The following SEPTIN7 variants were observed in gnomAD, a reference collection of about 807,000 sequenced individuals.
SEPTIN7 encodes the protein septin 7, also known as septin-7.
A neutral mutation model predicts 63.3 loss-of-function variants in SEPTIN7; 10 were observed. The ratio of observed to expected loss-of-function variants is 0.16; its 90% CI spans 0.10 to 0.27. The LOEUF (loss-of-function observed/expected upper bound fraction) is 0.27, where lower values mean the gene tolerates loss of function less well. SEPTIN7 is among the 10% of genes least tolerant of loss of function. The pLI, the probability that SEPTIN7 is intolerant of heterozygous loss-of-function variation, is 1.00. For missense variants in SEPTIN7, 310 were observed against 521.0 expected (o/e 0.59, Z 3.94); for synonymous variants, 131 against 165.3 (o/e 0.79, Z 1.59).
chr7:35,842,433 A>T (rs1295371449), intron 3 of SEPTIN7, among the ~76,000 whole-genome samples: 1 of 151,980 alleles, frequency 6.6e-6, no homozygotes, highest in Non-Finnish European at 1.5e-5. Flanking sequence ...TTTACTATAT[A>T]GGAGTATATA....
At chr7:35,891,234 G>C (rs550706167) in intron 11 of SEPTIN7, among the ~76,000 whole-genome samples, 1 of 152,136 alleles carries the variant, frequency 6.6e-6, no homozygotes, top group Non-Finnish European at 1.5e-5. Flanking sequence ...GAGGAAGCTG[G>C]TAACCATGTC....
At chr7:35,851,416 T>C (rs1784953731) in intron 3 of SEPTIN7, among the ~76,000 whole-genome samples, 1 of 152,170 alleles carries the variant, frequency 6.6e-6, no homozygotes, top group Admixed American at 6.5e-5. Flanking sequence ...AAAGTCAGAA[T>C]AAATGTAAAA....
intron 7 of SEPTIN7, among the ~76,000 whole-genome samples, 154 bp from the exon 8 acceptor site, chr7:35,882,330 C>T (rs1428177224): frequency 6.7e-6 from 1 of 149,886 alleles, no homozygotes; most frequent in Non-Finnish European, 1.5e-5. Flanking sequence ...TAGCGTAGTA[C>T]TTTAATTTTA....
chr7:35,893,171 AGT>A (rs1787752351), intron 11 of SEPTIN7, among the ~76,000 whole-genome samples: 1 of 152,106 alleles, frequency 6.6e-6, no homozygotes, highest in Non-Finnish European at 1.5e-5. Flanking sequence ...TGTTTAAATA[AGT>A]GAAGTAGGTG....
At chr7:35,828,177 T>C (rs1283994622) in intron 1 of SEPTIN7, among the ~76,000 whole-genome samples, 1 of 152,230 alleles carries the variant, frequency 6.6e-6, no homozygotes, top group Non-Finnish European at 1.5e-5. Context: ...TTTGTCACCA[T>C]GTTACTGAGA....
chr7:35,803,093 A>C, intron 1 of SEPTIN7: 1 of 765,778 alleles, frequency 1.3e-6, no homozygotes, highest in Non-Finnish European at 1.6e-6. Context: ...AGTTGATTTT[A>C]ATTAGTTCTT....
intron 9 of SEPTIN7, among the ~76,000 whole-genome samples, chr7:35,884,290 C>T (rs1562576244): frequency 6.6e-6 from 1 of 152,162 alleles, no homozygotes; most frequent in East Asian, 1.9e-4. Context: ...TGAGCACTGA[C>T]ATGCTGCTCA....
chr7:35,902,839 GC>G (rs1459556605), intron 12 of SEPTIN7: 1 of 324,372 alleles, frequency 3.1e-6, no homozygotes, highest in Non-Finnish European at 4.8e-6. Flanking sequence ...TAAGTTTGTT[GC>G]TTTTTTTTTT....
chr7:35,816,444 G>T (rs1355834113), intron 1 of SEPTIN7, among the ~76,000 whole-genome samples: 1 of 152,072 alleles, frequency 6.6e-6, no homozygotes, highest in East Asian at 1.9e-4. Context: ...TTATTCTGTT[G>T]TATATATACT....
rs893817611 is a variant in SEPTIN7 at position 35,904,473 on chromosome 7, A to G, written c.*180A>G. 6.5e-6 allele frequency: 3 copies of G among 459,648 alleles called. No homozygotes were observed. Among genetic ancestry groups the G allele is most frequent in the Non-Finnish European group, 7.6e-6 (2 of 262,572 alleles). The allele number at this position is 459,648 out of a possible 1,614,324, so 28.5% of individuals were successfully genotyped here. A position where few individuals can be genotyped will look rare whatever the true frequency, so the allele number is the denominator to read the frequency against. On this transcript the variant is annotated 3_prime_UTR_variant, in exon 14 of 14. Transcript: ENST00000350320. Reference sequence around the variant, plus strand: ...GAGATTAAGATGCCTTGAATTGTCTAGGGTGTTCTGTACTTAGAAAGTAAG... The same window carrying G: ...GAGATTAAGATGCCTTGAATTGTCTGGGGTGTTCTGTACTTAGAAAGTAAG...
intron 8 of SEPTIN7, 61 bp downstream of exon 8, chr7:35,882,637 T>C (rs1583618244): frequency 2.4e-6 from 3 of 1,251,656 alleles, no homozygotes; most frequent in Non-Finnish European, 3.1e-6. Flanking sequence ...TACTACAGCG[T>C]CCACAGGAAA....
intron 9 of SEPTIN7, 67 bp from the exon 10 acceptor site, chr7:35,885,761 G>A: frequency 8.0e-7 from 1 of 1,251,228 alleles, no homozygotes; most frequent in Non-Finnish European, 1.2e-6. Flanking sequence ...AAGTTCCTGT[G>A]AAATATTTTT....
intron 7 of SEPTIN7, 86 bp downstream of exon 7, chr7:35,880,026 C>G: frequency 8.3e-6 from 6 of 726,676 alleles, no homozygotes; most frequent in Non-Finnish European, 1.5e-5. Context: ...TGTTGCAATC[C>G]ATTCCTCTTA....
At chr7:35,843,927 G>A (rs2115994913) in intron 3 of SEPTIN7, among the ~76,000 whole-genome samples, 1 of 152,252 alleles carries the variant, frequency 6.6e-6, no homozygotes, top group Non-Finnish European at 1.5e-5. Context: ...TGATTGTGAA[G>A]AGTTCATTCT....
At chr7:35,887,042 CT>C (rs1787296985) in intron 10 of SEPTIN7, among the ~76,000 whole-genome samples, 1 of 152,206 alleles carries the variant, frequency 6.6e-6, no homozygotes, top group Non-Finnish European at 1.5e-5. Context: ...AGAAGGTCAT[CT>C]TCTGGGTTTT....
At chr7:35,838,331 TC>T (rs1562537189) in intron 3 of SEPTIN7, among the ~76,000 whole-genome samples, 54 of 1,362 alleles carry the variant, frequency 0.04, 4 homozygotes, top group African/African-American at 0.14. Flanking sequence ...CCTCCCTCCC[TC>T]CCTCCCTCCC....
Position 35,902,835 on chromosome 7 carries a change from T to G in SEPTIN7, c.1135-241T>G, listed in dbSNP as rs1006989967. On this transcript the variant is annotated intron_variant, in intron 12 of 13. Coordinates refer to ENST00000350320, the MANE Select transcript of SEPTIN7 (RefSeq NM_001788.6). ...ATAAAGTACTCCACACTGTTAAGTTTGTTGCTTTTTTTTTTTTTCCTGTTT... is the reference window on the plus strand; with the variant it reads ...ATAAAGTACTCCACACTGTTAAGTTGGTTGCTTTTTTTTTTTTTCCTGTTT... 9 of 369,094 alleles carry G rather than the reference T, an allele frequency of 2.4e-5. No individual in the cohort carries two copies. In the East Asian group the frequency reaches 4.2e-4, roughly 17 times the overall value. 22.9% of individuals were successfully genotyped at this position (369,094 alleles called of 1,614,324 possible).
chr7:35,907,020 A>T lies in SEPTIN7; in HGVS notation c.*2727A>T, dbSNP rs1224728594. 1 of 152,260 alleles carries T rather than the reference A, an allele frequency of 6.6e-6. No homozygotes were observed. Among genetic ancestry groups the T allele is most frequent in the Admixed American group, 6.5e-5 (1 of 15,284 alleles). 9.4% of individuals were successfully genotyped at this position (152,260 alleles called of 1,614,324 possible). On this transcript the variant is annotated 3_prime_UTR_variant, in exon 14 of 14. Coordinates refer to ENST00000350320, the MANE Select transcript of SEPTIN7 (RefSeq NM_001788.6). ...ATAATTATATGTATTGAACAATGAA[A>T]ATATGTGTCAACAAATGTACTGCTA...
At chr7:35,827,137 A>G (rs868175159) in intron 1 of SEPTIN7, among the ~76,000 whole-genome samples, 3 of 152,220 alleles carry the variant, frequency 2.0e-5, no homozygotes, top group East Asian at 1.9e-4. Flanking sequence ...TTTGTAAAGC[A>G]TATCTAGCAG....
Sources: gnomAD v4.1 joint callset for allele counts (sites outside exome capture counted in the v4.1 genomes callset) on GRCh38, gnomAD v4.1.1 for gene constraint, MANE v1.5 for transcripts, NCBI Gene and HGNC (gene_info 2026-07-23, HGNC 2026-07-21) for gene names.